The following TSPAN5 variants were observed in gnomAD, a reference collection of about 807,000 sequenced individuals.
TSPAN5 encodes tetraspanin-5.
TSPAN5 carries 10 observed loss-of-function variants against 37.1 expected under a neutral mutation model. That is an observed-to-expected ratio of 0.27 (90% CI 0.17 to 0.46). The LOEUF is 0.46. Ranked by LOEUF, TSPAN5 falls within the 20% of genes least tolerant of loss-of-function variation. The probability of loss-of-function intolerance (pLI) is 1.00; values close to 1 mark genes in which losing one functional copy is unlikely to be tolerated. For missense variants in TSPAN5, 195 were observed against 326.6 expected, an observed-to-expected ratio of 0.60 and a Z score of 3.11; for synonymous variants, 110 against 118.9, an observed-to-expected ratio of 0.93 and a Z score of 0.48.
chr4:98,599,347 A>T (rs760291115), intron 1 of TSPAN5, among the ~76,000 whole-genome samples: 1 of 152,210 alleles, frequency 6.6e-6, no homozygotes, highest in Non-Finnish European at 1.5e-5. Flanking sequence ...TGGAAAGTCA[A>T]ATCTAAAGAA....
At chr4:98,650,553 A>C (rs1357262599) in intron 1 of TSPAN5, among the ~76,000 whole-genome samples, 1 of 152,158 alleles carries the variant, frequency 6.6e-6, no homozygotes, top group African/African-American at 2.4e-5. Flanking sequence ...GGAGAGGAAA[A>C]ACTAAACCCT....
intron 1 of TSPAN5, among the ~76,000 whole-genome samples, chr4:98,613,000 G>A (rs1440112402): frequency 2.0e-5 from 3 of 152,144 alleles, no homozygotes; most frequent in Non-Finnish European, 2.9e-5. Flanking sequence ...CCCCTGCAGT[G>A]TTTATCATCT....
At chr4:98,655,750 AC>A (rs1214803699) in intron 1 of TSPAN5, among the ~76,000 whole-genome samples, 1 of 152,120 alleles carries the variant, frequency 6.6e-6, no homozygotes, top group Non-Finnish European at 1.5e-5. Context: ...CAAGCTACTG[AC>A]CCCAGCTTTT....
chr4:98,539,648 T>C (rs1333968167), intron 1 of TSPAN5, among the ~76,000 whole-genome samples: 1 of 152,168 alleles, frequency 6.6e-6, no homozygotes, highest in Non-Finnish European at 1.5e-5. Context: ...CAAAAACTTA[T>C]GTAATTTATT....
At chr4:98,481,334 G>T (rs1295717867) in intron 4 of TSPAN5, among the ~76,000 whole-genome samples, 1 of 152,078 alleles carries the variant, frequency 6.6e-6, no homozygotes, top group Non-Finnish European at 1.5e-5. Flanking sequence ...CTTGCATTCT[G>T]AGTGAAACGG....
intron 1 of TSPAN5, among the ~76,000 whole-genome samples, chr4:98,519,508 A>C (rs1753808488): frequency 6.6e-6 from 1 of 152,076 alleles, no homozygotes; most frequent in Non-Finnish European, 1.5e-5. Context: ...AGGAAAGGAA[A>C]GGAAAAACAA....
intron 1 of TSPAN5, among the ~76,000 whole-genome samples, chr4:98,601,876 A>C (rs1560554396): frequency 6.6e-6 from 1 of 152,152 alleles, no homozygotes; most frequent in Non-Finnish European, 1.5e-5. Context: ...TCTTCCTTTC[A>C]CTTAAACACT....
At chr4:98,621,115 T>C (rs1756470607) in intron 1 of TSPAN5, among the ~76,000 whole-genome samples, 2 of 152,040 alleles carry the variant, frequency 1.3e-5, no homozygotes, top group Admixed American at 1.3e-4. Context: ...GACCACCATG[T>C]GAAAATGAAG....
chr4:98,552,912 T>C (rs972314858), intron 1 of TSPAN5, among the ~76,000 whole-genome samples: 2 of 152,194 alleles, frequency 1.3e-5, no homozygotes. Flanking sequence ...ACAGTAAATT[T>C]AGGATTCTGT....
At chr4:98,513,707 GCACTTCTGAA>G (rs1560518642) in intron 1 of TSPAN5, among the ~76,000 whole-genome samples, 1 of 152,066 alleles carries the variant, frequency 6.6e-6, no homozygotes, top group Non-Finnish European at 1.5e-5. Context: ...TGATCTAGTG[GCACTTCTGAA>G]GGACAGTTTT....
At chr4:98,533,949 A>AAAAAAACAAC (rs1560526799) in intron 1 of TSPAN5, among the ~76,000 whole-genome samples, 1 of 143,490 alleles carries the variant, frequency 7.0e-6, no homozygotes, top group Non-Finnish European at 1.5e-5. Context: ...TAAAAAAAAA[A>AAAAAAACAAC]AAAAAAAAAA....
At chr4:98,501,057 GAACT>G (rs1266536763) in intron 2 of TSPAN5, among the ~76,000 whole-genome samples, 1 of 152,098 alleles carries the variant, frequency 6.6e-6, no homozygotes, top group Non-Finnish European at 1.5e-5. Context: ...TCCCACTTAA[GAACT>G]AAGTAATAAG....
chr4:98,619,663 C>T (rs147977032), intron 1 of TSPAN5, among the ~76,000 whole-genome samples: 39 of 152,146 alleles, frequency 2.6e-4, no homozygotes, highest in Admixed American at 1.4e-3. Context: ...AAAAGAGCAC[C>T]GTGAAGGAAC....
At chr4:98,608,166 C>A (rs1020569232) in intron 1 of TSPAN5, among the ~76,000 whole-genome samples, 1 of 152,156 alleles carries the variant, frequency 6.6e-6, no homozygotes. Flanking sequence ...TGTTTGAATT[C>A]ACAGGATTCT....
chr4:98,571,858 T>G (rs1197738569), intron 1 of TSPAN5, among the ~76,000 whole-genome samples: 1 of 152,200 alleles, frequency 6.6e-6, no homozygotes, highest in Non-Finnish European at 1.5e-5. Context: ...TACCAGACAT[T>G]GTGGATATAA....
At chr4:98,473,711 G>A (rs1216959450) in intron 7 of TSPAN5, among the ~76,000 whole-genome samples, 2 of 152,126 alleles carry the variant, frequency 1.3e-5, no homozygotes, top group East Asian at 1.9e-4. Context: ...CACCCGCCTC[G>A]GCCTTTATTA....
intron 2 of TSPAN5, chr4:98,500,117 A>G (rs1248169507): frequency 6.6e-6 from 1 of 152,126 alleles, no homozygotes; most frequent in African/African-American, 2.4e-5. Flanking sequence ...CAATGTTAAG[A>G]AATCTATTTT....
chr4:98,613,969 G>A (rs1560560077), intron 1 of TSPAN5, among the ~76,000 whole-genome samples: 1 of 151,818 alleles, frequency 6.6e-6, no homozygotes, highest in African/African-American at 2.4e-5. Flanking sequence ...CGGCTAAATG[G>A]TCCCTTGCAT....
At chr4:98,528,267 AT>A (rs1207888658) in intron 1 of TSPAN5, among the ~76,000 whole-genome samples, 21 of 152,222 alleles carry the variant, frequency 1.4e-4, no homozygotes, top group Middle Eastern at 3.2e-3. Context: ...CAAGGTTGAC[AT>A]AAGTTATTAT....
Sources: gnomAD v4.1 joint callset for allele counts (sites outside exome capture counted in the v4.1 genomes callset) on GRCh38, gnomAD v4.1.1 for gene constraint, MANE v1.5 for transcripts, NCBI Gene and HGNC (gene_info 2026-07-23, HGNC 2026-07-21) for gene names.